The following NOX3 variants were observed in gnomAD, a reference collection of about 807,000 sequenced individuals.
NOX3 encodes the protein NADPH oxidase catalytic subunit-like 3.
Under a neutral mutation model 76.7 loss-of-function variants are expected in NOX3, and 74 were observed. That is an observed-to-expected ratio of 0.96 (90% CI 0.80 to 1.17). NOX3 has a LOEUF of 1.17. Ranked by LOEUF, NOX3 falls within the 50% of genes most tolerant of loss-of-function variation. The pLI, the probability that NOX3 is intolerant of heterozygous loss-of-function variation, is 0.00. For missense variants in NOX3, 695 were observed against 703.3 expected (o/e 0.99, Z 0.13); for synonymous variants, 263 against 261.1 (o/e 1.01, Z -0.07).
At chr6:155,422,590 C>G (rs1038486439) in intron 10 of NOX3, 104 bp downstream of exon 10, 1 of 1,067,802 alleles carries the variant, frequency 9.4e-7, no homozygotes, top group Middle Eastern at 2.1e-4. Flanking sequence ...TTGAGTTTAT[C>G]CCTCATAGTT....
intron 4 of NOX3, among the ~76,000 whole-genome samples, chr6:155,445,981 C>CTATATATATATA (rs61040526): frequency 1.9e-5 from 2 of 104,212 alleles, no homozygotes; most frequent in African/African-American, 6.8e-5. Flanking sequence ...TATATATATG[C>CTATATATATATA]TATATATATA....
intron 4 of NOX3, 35 bp from the exon 5 acceptor site, chr6:155,443,453 G>A (rs1180127281): frequency 1.2e-6 from 2 of 1,602,432 alleles, no homozygotes; most frequent in Non-Finnish European, 1.7e-6. Flanking sequence ...CATGCACCCT[G>A]TGGCTTGCTT....
chr6:155,405,439 G>C (rs926817165), intron 12 of NOX3, among the ~76,000 whole-genome samples: 2 of 152,096 alleles, frequency 1.3e-5, no homozygotes, highest in Admixed American at 1.3e-4. Context: ...CTGCCTGTCT[G>C]GTCATCTCAT....
intron 9 of NOX3, among the ~76,000 whole-genome samples, chr6:155,424,340 C>A (rs899959139): frequency 6.6e-6 from 1 of 152,180 alleles, no homozygotes; most frequent in Non-Finnish European, 1.5e-5. Context: ...CACTCCCTGA[C>A]ATGAAGTTGT....
At chr6:155,432,000 C>T (rs1347052484) in intron 7 of NOX3, among the ~76,000 whole-genome samples, 3 of 152,244 alleles carry the variant, frequency 2.0e-5, no homozygotes, top group Non-Finnish European at 4.4e-5. Context: ...CTCATGAACT[C>T]ATTGAATTTT....
intron 3 of NOX3, 30 bp from the exon 4 acceptor site, chr6:155,453,518 A>G: frequency 1.3e-6 from 2 of 1,520,910 alleles, no homozygotes; most frequent in South Asian, 1.1e-5. Context: ...TGCCTGATTT[A>G]TGGAAAAATT....
intron 4 of NOX3, among the ~76,000 whole-genome samples, chr6:155,451,498 T>A (rs141903620): frequency 6.6e-6 from 1 of 152,328 alleles, no homozygotes; most frequent in Non-Finnish European, 1.5e-5. Context: ...GGGATATTCA[T>A]TATACGTTTC....
chr6:155,419,704 G>A (rs1431955157), intron 10 of NOX3, among the ~76,000 whole-genome samples: 3 of 152,012 alleles, frequency 2.0e-5, no homozygotes, highest in East Asian at 1.9e-4. Context: ...CTTGAGAAAC[G>A]CCACAAGCAG....
At chr6:155,414,327 G>C (rs1426049321) in intron 10 of NOX3, among the ~76,000 whole-genome samples, 1 of 152,160 alleles carries the variant, frequency 6.6e-6, no homozygotes, top group African/African-American at 2.4e-5. Context: ...TGGTCAATGA[G>C]AGACCAAGTA....
intron 11 of NOX3, among the ~76,000 whole-genome samples, chr6:155,408,201 T>C (rs1434934407): frequency 6.6e-6 from 1 of 152,176 alleles, no homozygotes; most frequent in Non-Finnish European, 1.5e-5. Context: ...TTAGCCGGGA[T>C]GGTCTCGATC....
In NOX3 at chr6:155,400,111, TG is replaced by T. The variant is rs774767916; in HGVS notation, c.1581-3150del. ...CTCTCTATGTCTGCTAAATAACTAT[TG>T]TGCTCTTCTCTGTGGGGTTGGTGCA... On this transcript the variant is annotated intron_variant, in intron 12 of 13. Transcript: ENST00000159060. Among the ~76,000 whole-genome samples the T allele has an allele frequency of 7.9e-5, 12 of 152,316 alleles. No individual in the cohort carries two copies. In the South Asian group the frequency reaches 2.5e-3, roughly 32 times the overall value.
intron 9 of NOX3, among the ~76,000 whole-genome samples, chr6:155,428,178 G>A (rs2114693759): frequency 6.6e-6 from 1 of 152,392 alleles, no homozygotes; most frequent in Non-Finnish European, 1.5e-5. Context: ...TCGGATAACA[G>A]GCGTGAGCCC....
rs1776907179 is a variant in NOX3 at position 155,436,560 on chromosome 6, G to GAAAAGCAAAACAAAACA, written c.669-30_669-14dup. 1.2e-6 allele frequency: 2 copies of GAAAAGCAAAACAAAACA among 1,610,980 alleles called. No homozygotes were observed. Among genetic ancestry groups the GAAAAGCAAAACAAAACA allele is most frequent in the Admixed American group, 1.7e-5 (1 of 58,964 alleles). ...TCGAACAATCCGACTTGTTATTTAA[G>GAAAAGCAAAACAAAACA]AAAAGCAAAACAAAACAAAAAGCAA... On this transcript the variant is annotated splice_polypyrimidine_tract_variant and intron_variant, in intron 6 of 13. Transcript: ENST00000159060.
chr6:155,445,824 A>G (rs572543273), intron 4 of NOX3, among the ~76,000 whole-genome samples: 20 of 149,584 alleles, frequency 1.3e-4, no homozygotes, highest in African/African-American at 4.9e-4. Context: ...AAATCAATCT[A>G]TAAATACAAC....
intron 5 of NOX3, among the ~76,000 whole-genome samples, chr6:155,443,067 A>G (rs1221602183): frequency 6.6e-6 from 1 of 152,190 alleles, no homozygotes; most frequent in African/African-American, 2.4e-5. Flanking sequence ...TAGGTGACAT[A>G]TCTTTTTCTC....
rs1044194059 is a variant in NOX3, at chr6:155,431,605, T to G, written c.799-670A>C. Among the ~76,000 whole-genome samples, 12 of 152,330 alleles carry G rather than the reference T, an allele frequency of 7.9e-5. 1 individual carries two copies. Among genetic ancestry groups the G allele is most frequent in the Admixed American group, 3.9e-4 (6 of 15,294 alleles). On this transcript the variant is annotated intron_variant, in intron 7 of 13. Coordinates refer to ENST00000159060, the MANE Select transcript of NOX3 (RefSeq NM_015718.3). ...CTATGTTAACTTTTGATGAGTATAA[T>G]GTGCATTACTGATGATCAATTTACC...
chr6:155,422,596 T>C (rs997480511), intron 10 of NOX3, 98 bp downstream of exon 10: 20 of 1,156,200 alleles, frequency 1.7e-5, no homozygotes, highest in East Asian at 2.4e-5. Context: ...TTATCCCTCA[T>C]AGTTAATTAA....
chr6:155,430,937 T>C lies in NOX3; in HGVS notation c.799-2A>G, dbSNP rs778167816. 1 of 1,567,888 alleles carries C rather than the reference T, an allele frequency of 6.4e-7. No individual in the cohort carries two copies. Among genetic ancestry groups the C allele is most frequent in the Admixed American group, 1.7e-5 (1 of 59,378 alleles). On this transcript the variant is annotated splice_acceptor_variant, in intron 7 of 13. Coordinates refer to ENST00000159060, the MANE Select transcript of NOX3 (RefSeq NM_015718.3). LOFTEE classifies it high-confidence loss of function. The stretch of plus-strand genomic sequence containing the variant: ...AGGGCCTAAAATCCATTTCCAAGCC[T>C]GAAGAGAGTAGCAGAGAGAGAGAGA...
At chr6:155,417,410 CTT>C (rs1213954661) in intron 10 of NOX3, among the ~76,000 whole-genome samples, 1 of 152,138 alleles carries the variant, frequency 6.6e-6, no homozygotes, top group East Asian at 1.9e-4. Context: ...TCATTGGACT[CTT>C]TTGCAAGAAG....
Sources: gnomAD v4.1 joint callset for allele counts (sites outside exome capture counted in the v4.1 genomes callset) on GRCh38, gnomAD v4.1.1 for gene constraint, MANE v1.5 for transcripts, NCBI Gene and HGNC (gene_info 2026-07-23, HGNC 2026-07-21) for gene names.